UBR1: variants seen among roughly 807,000 people sequenced by gnomAD.
UBR1 encodes the protein ubiquitin protein ligase E3 component n-recognin 1.
UBR1 carries 102 observed loss-of-function variants against 242.1 expected under a neutral mutation model. The observed-to-expected ratio is 0.42, with a 90% CI of 0.36 to 0.50. UBR1 has a LOEUF of 0.50. UBR1 is among the 20% of genes least tolerant of loss of function. The pLI, the probability that UBR1 is intolerant of heterozygous loss-of-function variation, is 0.01. For missense variants in UBR1, 1,772 were observed against 2,101.8 expected (o/e 0.84, Z 3.07); for synonymous variants, 675 against 684.8 (o/e 0.99, Z 0.22).
intron 6 of UBR1, among the ~76,000 whole-genome samples, chr15:43,065,749 G>C (rs1202535191): frequency 6.6e-6 from 1 of 151,952 alleles, no homozygotes; most frequent in East Asian, 1.9e-4. Context: ...TTTCATGTTT[G>C]CTGGCTGCAT....
chr15:43,070,673 A>C (rs1254345655), intron 5 of UBR1, 122 bp downstream of exon 5: 18 of 1,420,832 alleles, frequency 1.3e-5, no homozygotes, highest in Middle Eastern at 1.8e-4. Context: ...CCAAGAGATA[A>C]GTCACTAAGA....
chr15:42,947,031 G>A (rs997041472), intron 46 of UBR1, among the ~76,000 whole-genome samples: 7 of 152,076 alleles, frequency 4.6e-5, no homozygotes, highest in Non-Finnish European at 1.0e-4. Flanking sequence ...CATGTCTGTA[G>A]TCCCAGCTAC....
chr15:42,983,804 T>A, intron 37 of UBR1, 93 bp downstream of exon 37: 1 of 762,670 alleles, frequency 1.3e-6, no homozygotes, highest in Non-Finnish European at 1.9e-6. Flanking sequence ...GTGCAGTGTA[T>A]GTTGTTTCCT....
At chr15:43,048,028 A>T (rs374421119) in intron 13 of UBR1, among the ~76,000 whole-genome samples, 4 of 152,086 alleles carry the variant, frequency 2.6e-5, no homozygotes, top group South Asian at 4.1e-4. Context: ...CTCTACTAAA[A>T]ATACAAAAAT....
chr15:42,957,918 C>A (rs1486027405), intron 44 of UBR1, 95 bp downstream of exon 44: 3 of 1,118,868 alleles, frequency 2.7e-6, no homozygotes, highest in Non-Finnish European at 3.9e-6. Flanking sequence ...AACAAAAAAA[C>A]AAAAACAAGG....
rs989634092 is a variant in UBR1, at chr15:43,026,732, C to T, written c.2433-69G>A. Reference sequence around the variant, plus strand: ...GTATAAAATATAGACAAAATAAAAACCTAAAAATTAATCTAGAAGTCAAAT... The same window carrying T: ...GTATAAAATATAGACAAAATAAAAATCTAAAAATTAATCTAGAAGTCAAAT... On this transcript the variant is annotated intron_variant, in intron 22 of 46. Transcript: ENST00000290650. The T allele has an allele frequency of 8.0e-6, 11 of 1,370,366 alleles. No homozygotes were observed. The Admixed American group carries it at 2.0e-4, about 25-fold the overall frequency. 84.9% of individuals were successfully genotyped at this position (1,370,366 alleles called of 1,614,324 possible). A position where few individuals can be genotyped will look rare whatever the true frequency, so the allele number is the denominator to read the frequency against.
At chr15:42,988,607 T>C (rs964232833) in intron 35 of UBR1, 2 of 634,504 alleles carry the variant, frequency 3.2e-6, no homozygotes, top group East Asian at 2.9e-5. Context: ...TTTTAACTTA[T>C]GTTGCATATG....
chr15:43,023,598 CAAAAAAAAAAAAAAAA>C (rs35071600), intron 25 of UBR1, among the ~76,000 whole-genome samples: 1 of 39,952 alleles, frequency 2.5e-5, no homozygotes, highest in Non-Finnish European at 3.9e-5. Context: ...AACTCCATCT[CAAAAAAAAAAAAAAAA>C]AAAAAAAAAA....
intron 1 of UBR1, 137 bp from the exon 2 acceptor site, chr15:43,086,377 G>A (rs2034036316): frequency 1.1e-6 from 1 of 951,366 alleles, no homozygotes; most frequent in South Asian, 2.0e-5. Flanking sequence ...CAGAAGGAAA[G>A]TGGGTGATTA....
At chr15:43,068,146 T>C (rs1022393120) in intron 5 of UBR1, 110 bp from the exon 6 acceptor site, 10 of 637,558 alleles carry the variant, frequency 1.6e-5, no homozygotes, top group African/African-American at 9.9e-5. Flanking sequence ...GTTTCCAACC[T>C]GTGGGAAAGT....
At chr15:42,991,109 T>C (rs1596088640) in intron 33 of UBR1, among the ~76,000 whole-genome samples, 1 of 151,922 alleles carries the variant, frequency 6.6e-6, no homozygotes, top group Non-Finnish European at 1.5e-5. Context: ...ACCTCATCTC[T>C]ACTAAAAATA....
At position 42,945,000 on chromosome 15, in the gene UBR1, C is replaced by T; in HGVS notation, c.*329G>A. ...AATACAAAATTGCAGAAGAGTTAACCAACATATAAAATGTCTACAACTGTT... is the reference window on the plus strand; with the variant it reads ...AATACAAAATTGCAGAAGAGTTAACTAACATATAAAATGTCTACAACTGTT... On this transcript the variant is annotated 3_prime_UTR_variant, in exon 47 of 47. Coordinates refer to ENST00000290650, the MANE Select transcript of UBR1 (RefSeq NM_174916.3). The T allele has an allele frequency of 9.4e-6, 3 of 319,494 alleles. No homozygotes were observed. The highest frequency in any genetic ancestry group is 1.2e-5 in the Non-Finnish European group (2 of 166,184). The allele number at this position is 319,494 out of a possible 1,614,324, so 19.8% of individuals were successfully genotyped here.
Position 43,031,662 on chromosome 15 carries a change from GAACTATTCA to G in UBR1, c.2254+897_2254+905del, listed in dbSNP as rs377183874. ...GTAACAGCTAGAATCCCCAACTAAA[GAACTATTCA>G]AACCAAACAGCGTTTGGTGCAGTAA... On this transcript the variant is annotated intron_variant, in intron 20 of 46. Coordinates refer to ENST00000290650, the MANE Select transcript of UBR1 (RefSeq NM_174916.3). Among the ~76,000 whole-genome samples the G allele has an allele frequency of 4.0e-3, 616 of 152,222 alleles. 5 individuals carry two copies. The highest frequency in any genetic ancestry group is 0.014 in the African/African-American group (593 of 41,550).
chr15:43,040,112 T>C (rs2033396391), intron 15 of UBR1, among the ~76,000 whole-genome samples: 1 of 152,144 alleles, frequency 6.6e-6, no homozygotes, highest in Admixed American at 6.5e-5. Context: ...CAAGTTCATA[T>C]GGAACCAAAA....
Position 43,036,253 on chromosome 15 carries a change from A to G in UBR1, c.2115T>C (p.Asn705=). ...TCTGAAGTACCAGTAACAAGAACTT[A>G]TTGGGATCCATTAAAGATGCACCAA... ...LQIGASLMDP[N]KFLLLVLQRY... The change falls in exon 19 of 47, where the codon AAT becomes AAC. Residue 705 remains asparagine (N), a synonymous_variant. Coordinates refer to ENST00000290650, the MANE Select transcript of UBR1 (RefSeq NM_174916.3). The G allele has an allele frequency of 1.9e-6, 3 of 1,613,710 alleles. No individual in the cohort carries two copies. The highest frequency in any genetic ancestry group is 2.5e-6 in the Non-Finnish European group (3 of 1,179,778).
chr15:43,006,330 C>T (rs934687027), intron 30 of UBR1, among the ~76,000 whole-genome samples: 1 of 152,124 alleles, frequency 6.6e-6, no homozygotes, highest in Non-Finnish European at 1.5e-5. Flanking sequence ...GTTAAGTTTT[C>T]AATAAATGCT....
intron 1 of UBR1, among the ~76,000 whole-genome samples, chr15:43,088,647 C>A (rs1274317447): frequency 6.6e-6 from 1 of 151,942 alleles, no homozygotes; most frequent in Non-Finnish European, 1.5e-5. Context: ...TAATTTAATA[C>A]ATGTGGAGGC....
rs966273133 is a variant in UBR1 at position 42,949,749 on chromosome 15, A to G, written c.5108+513T>C. Among the ~76,000 whole-genome samples, 5 of 151,788 alleles carry G rather than the reference A, an allele frequency of 3.3e-5. No homozygotes were observed. In the South Asian group the frequency reaches 1.0e-3, roughly 32 times the overall value. Reference sequence around the variant, plus strand: ...AGGAGGCAGAGGTTGCAGTGAGCTGAGATAGCGCCACTGCACTGTAGCCTG... The same window carrying G: ...AGGAGGCAGAGGTTGCAGTGAGCTGGGATAGCGCCACTGCACTGTAGCCTG... On this transcript the variant is annotated intron_variant, in intron 46 of 46. Coordinates refer to ENST00000290650, the MANE Select transcript of UBR1 (RefSeq NM_174916.3).
At position 43,047,339 on chromosome 15, in the gene UBR1, G is replaced by C. The variant is rs192811739; in HGVS notation, c.1540-50C>G. 134 of 1,613,290 alleles carry C rather than the reference G, an allele frequency of 8.3e-5. 1 individual carries two copies. In the Admixed American group the frequency reaches 1.7e-3, roughly 21 times the overall value. On this transcript the variant is annotated intron_variant, in intron 13 of 46. Coordinates refer to ENST00000290650, the MANE Select transcript of UBR1 (RefSeq NM_174916.3). The stretch of plus-strand genomic sequence containing the variant: ...ACACCTATCTGAGCCCTCTCTCTTT[G>C]CTCTGCTCTTGGCAAAATATAAAAC...
Sources: allele counts gnomAD v4.1 joint callset (sites outside exome capture counted in the v4.1 genomes callset), GRCh38; gene constraint gnomAD v4.1.1; transcripts MANE v1.5; gene names NCBI Gene and HGNC (gene_info 2026-07-23, HGNC 2026-07-21).